The following DNAH7 variants were observed in gnomAD, a reference collection of about 807,000 sequenced individuals.
DNAH7 encodes axonemal beta dynein heavy chain 7.
A neutral mutation model predicts 444.6 loss-of-function variants in DNAH7; 397 were observed. The ratio of observed to expected loss-of-function variants is 0.89; its 90% CI spans 0.82 to 0.97. The LOEUF (loss-of-function observed/expected upper bound fraction) is 0.97, where lower values mean the gene tolerates loss of function less well. Among genes scored for constraint, DNAH7 ranks in the 50% least tolerant of loss-of-function variants. The pLI, the probability that DNAH7 is intolerant of heterozygous loss-of-function variation, is 0.00. For synonymous variants in DNAH7, 1,636 were observed against 1,624.4 expected (o/e 1.01, Z -0.17); for missense variants, 4,902 against 4,800.8 (o/e 1.02, Z -0.62).
intron 58 of DNAH7, among the ~76,000 whole-genome samples, chr2:195,779,593 T>TA (rs746286669): frequency 3.3e-5 from 5 of 151,826 alleles, no homozygotes; most frequent in South Asian, 2.1e-4. Flanking sequence ...CTTTTCCTAT[T>TA]AAAGTATTGT....
chr2:196,012,435 G>C (rs1423431992), intron 10 of DNAH7, among the ~76,000 whole-genome samples: 1 of 151,998 alleles, frequency 6.6e-6, no homozygotes, highest in Admixed American at 6.6e-5. Flanking sequence ...ACAAAATGAA[G>C]GGAGGTACAG....
chr2:195,838,004 G>GA, intron 47 of DNAH7, among the ~76,000 whole-genome samples: 1 of 152,242 alleles, frequency 6.6e-6, no homozygotes, highest in East Asian at 1.9e-4. Flanking sequence ...GATAAATTCT[G>GA]AAAAGACCTG....
In DNAH7 at chr2:196,001,726, G is replaced by A; in HGVS notation, c.1122C>T (p.Asp374=). 1 of 1,604,028 alleles carries A rather than the reference G, an allele frequency of 6.2e-7. No individual in the cohort carries two copies. The highest frequency in any genetic ancestry group is 1.3e-5 in the African/African-American group (1 of 74,762). Residue 374 remains aspartate, a synonymous_variant, in exon 11 of 65, where the codon GAC becomes GAT. Coordinates refer to ENST00000312428, the MANE Select transcript of DNAH7 (RefSeq NM_018897.3). ...AAALMTLQLQ[D]LTLVSMQDFT... ...AATCTTGCATGGAGACTAAAGTGAG[G>A]TCCTGCAGCTGTAAAGTCATAAGTG...
intron 56 of DNAH7, among the ~76,000 whole-genome samples, chr2:195,795,005 T>C (rs1180935096): frequency 6.6e-6 from 1 of 152,156 alleles, no homozygotes; most frequent in Non-Finnish European, 1.5e-5. Flanking sequence ...CTGTGATGGG[T>C]ATATATGATA....
At chr2:195,808,167 A>G (rs1172225568) in intron 53 of DNAH7, among the ~76,000 whole-genome samples, 1 of 152,210 alleles carries the variant, frequency 6.6e-6, no homozygotes, top group East Asian at 1.9e-4. Context: ...AGAGAAAGCA[A>G]CAATTGCTAT....
chr2:195,958,505 C>T (rs1385968443), intron 18 of DNAH7, among the ~76,000 whole-genome samples: 1 of 152,026 alleles, frequency 6.6e-6, no homozygotes, highest in Non-Finnish European at 1.5e-5. Flanking sequence ...TGTGGGGGGT[C>T]AGCGCCCCTA....
At chr2:195,969,177 G>A (rs969574347) in intron 17 of DNAH7, among the ~76,000 whole-genome samples, 5 of 152,190 alleles carry the variant, frequency 3.3e-5, no homozygotes, top group Non-Finnish European at 7.3e-5. Flanking sequence ...TGGGTGGTGG[G>A]GGGAGCAATC....
chr2:196,059,748 G>A (rs1425972646), intron 1 of DNAH7, among the ~76,000 whole-genome samples: 2 of 152,110 alleles, frequency 1.3e-5, no homozygotes, highest in Non-Finnish European at 2.9e-5. Flanking sequence ...ATCCCAGCAG[G>A]TAGTTTTCTC....
chr2:196,049,367 TA>T (rs1697330910), intron 3 of DNAH7, among the ~76,000 whole-genome samples: 1 of 152,174 alleles, frequency 6.6e-6, no homozygotes, highest in African/African-American at 2.4e-5. Context: ...TCTTGCTCCA[TA>T]AAAGTTTTAA....
At chr2:195,846,957 G>A (rs1301903536) in intron 46 of DNAH7, among the ~76,000 whole-genome samples, 1 of 150,348 alleles carries the variant, frequency 6.7e-6, no homozygotes, top group African/African-American at 2.5e-5. Context: ...ATATGTGTGT[G>A]TGTGTGTGTG....
chr2:196,006,712 C>T (rs1356440697), intron 10 of DNAH7, among the ~76,000 whole-genome samples: 1 of 151,818 alleles, frequency 6.6e-6, no homozygotes, highest in African/African-American at 2.4e-5. Context: ...TAGTAGAATA[C>T]AAGATCAATA....
chr2:195,860,343 G>A (rs1440789067), intron 42 of DNAH7, among the ~76,000 whole-genome samples: 5 of 151,670 alleles, frequency 3.3e-5, no homozygotes, highest in Non-Finnish European at 5.9e-5. Flanking sequence ...TGATCCTCCT[G>A]GATAAGAAAA....
chr2:195,936,487 G>T, intron 20 of DNAH7, 112 bp downstream of exon 20: 1 of 647,154 alleles, frequency 1.5e-6, no homozygotes, highest in Non-Finnish European at 2.3e-6. Context: ...GAACATTCTT[G>T]TAGAAAAAAT....
At chr2:195,836,110 C>A (rs980064980) in intron 47 of DNAH7, among the ~76,000 whole-genome samples, 1 of 152,154 alleles carries the variant, frequency 6.6e-6, no homozygotes, top group African/African-American at 2.4e-5. Context: ...TATATGGCCT[C>A]TGCTCCATGC....
Position 195,897,681 on chromosome 2 carries a change from A to T in DNAH7, c.4633T>A (p.Leu1545Ile), listed in dbSNP as rs1702404346. The T allele has an allele frequency of 6.3e-7, 1 of 1,592,054 alleles. No homozygotes were observed. The change falls in exon 29 of 65, where the codon TTA becomes ATA. Residue 1545 changes from leucine (L) to isoleucine (I), a missense_variant. Coordinates refer to ENST00000312428, the MANE Select transcript of DNAH7 (RefSeq NM_018897.3). ...VNLPKFLSHD[L>I]PLFEGITSDL... ...AATGTTCTTACCTCAAAGAGTGGTA[A>T]ATCATGGGATAAAAATTTTGGCAGA...
intron 21 of DNAH7, among the ~76,000 whole-genome samples, chr2:195,929,321 C>A (rs978973504): frequency 1.1e-4 from 17 of 152,204 alleles, no homozygotes; most frequent in Admixed American, 1.0e-3. Flanking sequence ...ACAAATTCAA[C>A]ACTATTCCTA....
chr2:196,057,835 C>T (rs1417140946), intron 2 of DNAH7, among the ~76,000 whole-genome samples: 1 of 152,166 alleles, frequency 6.6e-6, no homozygotes, highest in African/African-American at 2.4e-5. Context: ...TGGACCCAAC[C>T]ATCCTGTACA....
intron 19 of DNAH7, among the ~76,000 whole-genome samples, chr2:195,941,979 C>A (rs1689480761): frequency 6.6e-6 from 1 of 151,976 alleles, no homozygotes; most frequent in African/African-American, 2.4e-5. Context: ...CAAACATTTA[C>A]CAAGGGCTAA....
intron 7 of DNAH7, among the ~76,000 whole-genome samples, chr2:196,024,786 T>C (rs1420057343): frequency 6.6e-6 from 1 of 152,086 alleles, no homozygotes; most frequent in African/African-American, 2.4e-5. Context: ...TATATTTTCC[T>C]TTATAGCTAT....
Sources: allele counts gnomAD v4.1 joint callset (sites outside exome capture counted in the v4.1 genomes callset), GRCh38; gene constraint gnomAD v4.1.1; transcripts MANE v1.5; gene names NCBI Gene and HGNC (gene_info 2026-07-23, HGNC 2026-07-21).